Variants in SRC observed in about 807,000 individuals in gnomAD.
SRC encodes the protein proto-oncogene tyrosine-protein kinase Src.
SRC carries 13 observed loss-of-function variants against 62.9 expected under a neutral mutation model. The observed-to-expected ratio is 0.21, with a 90% CI of 0.13 to 0.33. The LOEUF is 0.33. Among genes scored for constraint, SRC ranks in the 10% least tolerant of loss-of-function variants. The pLI, the probability that SRC is intolerant of heterozygous loss-of-function variation, is 1.00. For synonymous variants in SRC, 302 were observed against 317.5 expected, an observed-to-expected ratio of 0.95 and a Z score of 0.52; for missense variants, 457 against 737.3, an observed-to-expected ratio of 0.62 and a Z score of 4.40.
chr20:37,400,211 A>G lies in SRC; in HGVS notation c.956A>G (p.Lys319Arg), dbSNP rs768889863. The change falls in exon 10 of 14, where the codon AAG becomes AGG. Residue 319 changes from lysine (K) to arginine (R), a missense_variant. Physicochemically the swap from Lys to Arg is conservative, Grantham distance 26 (BLOSUM62 2). Coordinates refer to ENST00000373578, the MANE Select transcript of SRC (RefSeq NM_198291.3). ...AFLQEAQVMK[K>R]LRHEKLVQLY... ...CTGCAGGAGGCCCAGGTCATGAAGAAGCTGAGGCATGAGAAGCTGGTGCAG... is the reference window on the plus strand; with the variant it reads ...CTGCAGGAGGCCCAGGTCATGAAGAGGCTGAGGCATGAGAAGCTGGTGCAG... 1 of 1,613,998 alleles carries G rather than the reference A, an allele frequency of 6.2e-7. No individual in the cohort carries two copies. The highest frequency in any genetic ancestry group is 8.5e-7 in the Non-Finnish European group (1 of 1,179,988).
At chr20:37,352,251 G>C (rs1006429321) in intron 1 of SRC, among the ~76,000 whole-genome samples, 2 of 152,210 alleles carry the variant, frequency 1.3e-5, no homozygotes, top group African/African-American at 2.4e-5. Context: ...TGGGCGCAGG[G>C]CCTGCACTCA....
chr20:37,375,236 C>T (rs2070258436), intron 2 of SRC, among the ~76,000 whole-genome samples: 2 of 147,024 alleles, frequency 1.4e-5, no homozygotes, highest in African/African-American at 5.0e-5. Flanking sequence ...TGGCCTCTTT[C>T]CTTTTTTTTT....
At chr20:37,387,535 C>T (rs1260824955) in intron 5 of SRC, among the ~76,000 whole-genome samples, 1 of 150,828 alleles carries the variant, frequency 6.6e-6, no homozygotes, top group Non-Finnish European at 1.5e-5. Context: ...TTCTGCCCTC[C>T]TCAACCTGCT....
At chr20:37,366,545 C>T (rs1303878453) in intron 2 of SRC, among the ~76,000 whole-genome samples, 1 of 152,226 alleles carries the variant, frequency 6.6e-6, no homozygotes, top group Non-Finnish European at 1.5e-5. Context: ...AACTTCCCTT[C>T]CCTAGGCCTA....
At chr20:37,368,561 T>TC (rs2070109824) in intron 2 of SRC, among the ~76,000 whole-genome samples, 1 of 132,540 alleles carries the variant, frequency 7.5e-6, no homozygotes, top group African/African-American at 2.8e-5. Context: ...TTTTTTTTGT[T>TC]TTTTTTTTTG....
intron 10 of SRC, among the ~76,000 whole-genome samples, chr20:37,400,945 C>A (rs1246590271): frequency 6.6e-6 from 1 of 152,118 alleles, no homozygotes; most frequent in Non-Finnish European, 1.5e-5. Flanking sequence ...TCTAGAATTT[C>A]ATACATGGAA....
At position 37,396,168 on chromosome 20, in the gene SRC, A is replaced by G; in HGVS notation, c.560A>G (p.Tyr187Cys). ...TCCCCTCGGTGCCCCGCAGGTGCCT[A>G]CTGCCTCTCAGTGTCTGACTTCGAC... ...VRESETTKGA[Y>C]CLSVSDFDNA... Residue 187 changes from tyrosine to cysteine, a missense_variant, in exon 8 of 14, where the codon TAC (tyrosine) becomes TGC (cysteine). This residue lies in a region of SRC where 141 missense variants were observed against 198.4 expected (regional missense o/e 0.71). Transcript: ENST00000373578. This position sits in a 1 kb window ranked among gnomAD's most constrained non-coding sequence, Gnocchi z 6.1. The G allele has an allele frequency of 6.2e-7, 1 of 1,612,760 alleles. No homozygotes were observed. The highest frequency in any genetic ancestry group is 8.5e-7 in the Non-Finnish European group (1 of 1,179,922).
intron 5 of SRC, among the ~76,000 whole-genome samples, chr20:37,393,172 C>G (rs1189717549): frequency 1.3e-5 from 2 of 152,234 alleles, no homozygotes; most frequent in African/African-American, 4.8e-5. Flanking sequence ...CCCCCTCTGA[C>G]AGGGCTCACT....
In SRC at chr20:37,398,940, G is replaced by A. The variant is rs577935531; in HGVS notation, c.859+1086G>A. The stretch of plus-strand genomic sequence containing the variant: ...CCCAACCCTCGGACGGAGGCCCAGC[G>A]ACTGGGAGGAACGGGCCCAAGGTCA... On this transcript the variant is annotated intron_variant, in intron 9 of 13. Coordinates refer to ENST00000373578, the MANE Select transcript of SRC (RefSeq NM_198291.3). This position sits in a 1 kb window ranked among gnomAD's most constrained non-coding sequence, Gnocchi z 5.2. Among the ~76,000 whole-genome samples the A allele has an allele frequency of 6.6e-6, 1 of 152,346 alleles. No homozygotes were observed. The highest frequency in any genetic ancestry group is 2.1e-4 in the South Asian group (1 of 4,830).
chr20:37,396,758 C>T lies in SRC; in HGVS notation c.703+447C>T, dbSNP rs993036598. The T allele has an allele frequency of 5.9e-5, 11 of 187,432 alleles. No individual in the cohort carries two copies. Among genetic ancestry groups the T allele is most frequent in the Non-Finnish European group, 8.9e-5 (8 of 89,626 alleles). The allele number at this position is 187,432 out of a possible 1,614,324, so 11.6% of individuals were successfully genotyped here. On this transcript the variant is annotated intron_variant, in intron 8 of 13. Coordinates refer to ENST00000373578, the MANE Select transcript of SRC (RefSeq NM_198291.3). This position sits in a 1 kb window ranked among gnomAD's most constrained non-coding sequence, Gnocchi z 6.1. The stretch of plus-strand genomic sequence containing the variant: ...GGAAGAGAGCGGCAGAGGGAGCTCG[C>T]GGGGCTTGCGTGCTGGGTGAGGGCT...
intron 1 of SRC, among the ~76,000 whole-genome samples, chr20:37,358,824 G>A (rs942244929): frequency 6.6e-6 from 1 of 152,236 alleles, no homozygotes; most frequent in Non-Finnish European, 1.5e-5. Context: ...CATGTCTGCC[G>A]GTGTCCGCCC....
chr20:37,393,394 C>A (rs1024277356), intron 5 of SRC, among the ~76,000 whole-genome samples: 5 of 152,262 alleles, frequency 3.3e-5, no homozygotes, highest in Non-Finnish European at 7.3e-5. Flanking sequence ...CCACCCAGGT[C>A]TCACCAGCTC....
intron 2 of SRC, among the ~76,000 whole-genome samples, chr20:37,379,957 A>G (rs2070341504): frequency 8.1e-6 from 1 of 123,810 alleles, no homozygotes. Flanking sequence ...AAAAAAAAAA[A>G]AAAAAAAAAA....
At chr20:37,399,985 C>A in intron 9 of SRC, 130 bp from the exon 10 acceptor site, 1 of 840,988 alleles carries the variant, frequency 1.2e-6, no homozygotes, top group East Asian at 2.9e-5. Context: ...AGGGCCCAGG[C>A]TTTGACTGGG....
chr20:37,373,147 T>C (rs572666670), intron 2 of SRC, among the ~76,000 whole-genome samples: 3,855 of 129,948 alleles, frequency 0.03, 159 homozygotes, highest in African/African-American at 0.13. Flanking sequence ...CATATGTACA[T>C]ATACACACAT....
chr20:37,373,476 C>T (rs565636006), intron 2 of SRC, among the ~76,000 whole-genome samples: 95 of 151,910 alleles, frequency 6.3e-4, no homozygotes, highest in Admixed American at 5.1e-3. Flanking sequence ...CACACACATA[C>T]ATATATATAT....
chr20:37,361,863 GTAGAGAT>G (rs1202230798), intron 1 of SRC, among the ~76,000 whole-genome samples: 8 of 38,606 alleles, frequency 2.1e-4, no homozygotes, highest in African/African-American at 1.3e-3. Context: ...CTGTGTGCAG[GTAGAGAT>G]GTAGAGATGC....
chr20:37,397,983 C>A lies in SRC; in HGVS notation c.859+129C>A. 8.0e-7 allele frequency: 1 copy of A among 1,255,198 alleles called. No homozygotes were observed. The highest frequency in any genetic ancestry group is 1.5e-5 in the African/African-American group (1 of 66,806). The allele number at this position is 1,255,198 out of a possible 1,614,324, so 77.8% of individuals were successfully genotyped here. A position where few individuals can be genotyped will look rare whatever the true frequency, so the allele number is the denominator to read the frequency against. ...ACGGGGCCCTGTTGTAAATCTGGAG[C>A]TCCCCAGCGGTGGCTGGCACCGAGT... On this transcript the variant is annotated intron_variant, in intron 9 of 13. Transcript: ENST00000373578. The surrounding 1 kb of genome is among the most constrained non-coding windows in gnomAD (Gnocchi z 4.1).
chr20:37,358,743 G>C lies in SRC; in HGVS notation c.-246-6461G>C, dbSNP rs370399327. Among the ~76,000 whole-genome samples, 13 of 152,238 alleles carry C rather than the reference G, an allele frequency of 8.5e-5. No homozygotes were observed. In the East Asian group the frequency reaches 9.6e-4, roughly 11 times the overall value. On this transcript the variant is annotated intron_variant, in intron 1 of 13. Coordinates refer to ENST00000373578, the MANE Select transcript of SRC (RefSeq NM_198291.3). ...TGCTCTCCAGGGCGTGAGTTTGGTAGGAGCTCCGTGGCCCCCCTGCTGGGC... is the reference window on the plus strand; with the variant it reads ...TGCTCTCCAGGGCGTGAGTTTGGTACGAGCTCCGTGGCCCCCCTGCTGGGC...
Sources: gnomAD v4.1 joint callset for allele counts (sites outside exome capture counted in the v4.1 genomes callset) on GRCh38, gnomAD v4.1.1 for gene constraint, gnomAD v4.1.1 regional missense constraint, Gnocchi (gnomAD v3.1) non-coding constraint, MANE v1.5 for transcripts, NCBI Gene and HGNC (gene_info 2026-07-23, HGNC 2026-07-21) for gene names.